HLCS: variants seen among roughly 807,000 people sequenced by gnomAD.
The protein encoded by HLCS is holocarboxylase synthetase.
A neutral mutation model predicts 75.0 loss-of-function variants in HLCS; 53 were observed. The ratio of observed to expected loss-of-function variants is 0.71; its 90% CI spans 0.57 to 0.89. HLCS has a LOEUF of 0.89. Among genes scored for constraint, HLCS ranks in the 40% least tolerant of loss-of-function variants. The probability of loss-of-function intolerance (pLI) is 0.00; values close to 1 mark genes in which losing one functional copy is unlikely to be tolerated. For synonymous variants in HLCS, 431 were observed against 428.6 expected, an observed-to-expected ratio of 1.01 and a Z score of -0.07; for missense variants, 966 against 1,074.0, an observed-to-expected ratio of 0.90 and a Z score of 1.41.
intron 2 of HLCS, among the ~76,000 whole-genome samples, chr21:36,956,478 C>A (rs984106228): frequency 6.6e-6 from 1 of 152,144 alleles, no homozygotes; most frequent in East Asian, 1.9e-4. Flanking sequence ...CTTGTAATCC[C>A]AGCACTTTGG....
intron 5 of HLCS, among the ~76,000 whole-genome samples, chr21:36,912,103 T>TG (rs2065743487): frequency 6.6e-6 from 1 of 151,062 alleles, no homozygotes; most frequent in Admixed American, 6.6e-5. Flanking sequence ...AACAGAGAAT[T>TG]AATACATGAT....
chr21:36,904,716 A>G (rs2146367695), intron 5 of HLCS, among the ~76,000 whole-genome samples: 1 of 152,334 alleles, frequency 6.6e-6, no homozygotes, highest in African/African-American at 2.4e-5. Flanking sequence ...CAAAATTACT[A>G]TCTGTTTGAT....
chr21:36,945,167 G>T (rs958566917), intron 2 of HLCS, among the ~76,000 whole-genome samples: 2 of 151,388 alleles, frequency 1.3e-5, no homozygotes, highest in African/African-American at 4.8e-5. Context: ...ATCCTTCCAT[G>T]AATAAGTTCT....
chr21:36,949,800 G>A (rs560035569), intron 2 of HLCS, among the ~76,000 whole-genome samples: 7 of 152,346 alleles, frequency 4.6e-5, no homozygotes, highest in South Asian at 4.1e-4. Flanking sequence ...TGGAAACAGC[G>A]CAGCGAACCT....
intron 1 of HLCS, among the ~76,000 whole-genome samples, chr21:36,984,153 T>A (rs1416218947): frequency 6.6e-6 from 1 of 152,158 alleles, no homozygotes; most frequent in Non-Finnish European, 1.5e-5. Context: ...ATGATTTTTT[T>A]AAATTGGAAA....
intron 5 of HLCS, among the ~76,000 whole-genome samples, chr21:36,912,701 G>C (rs2065770896): frequency 6.6e-6 from 1 of 151,886 alleles, no homozygotes; most frequent in Non-Finnish European, 1.5e-5. Flanking sequence ...GAGAGAAGGA[G>C]TCAGGATCTC....
intron 4 of HLCS, among the ~76,000 whole-genome samples, chr21:36,932,200 T>C (rs188778460): frequency 7.2e-5 from 11 of 152,380 alleles, no homozygotes; most frequent in Admixed American, 7.2e-4. Flanking sequence ...ATATAATTCA[T>C]ATTTATTTCA....
chr21:36,782,092 C>A (rs1031541713), intron 6 of HLCS, among the ~76,000 whole-genome samples: 2 of 152,024 alleles, frequency 1.3e-5, no homozygotes, highest in Non-Finnish European at 2.9e-5. Context: ...AGAATTTCTG[C>A]ATTGATGCTC....
chr21:36,912,328 T>TAC (rs1384698724), intron 5 of HLCS, among the ~76,000 whole-genome samples: 2 of 150,704 alleles, frequency 1.3e-5, no homozygotes, highest in Non-Finnish European at 2.9e-5. Context: ...GAAGTTCTGA[T>TAC]ACATGTTATA....
chr21:36,891,073 G>A (rs752936474), intron 6 of HLCS, among the ~76,000 whole-genome samples: 3 of 152,138 alleles, frequency 2.0e-5, no homozygotes, highest in African/African-American at 7.2e-5. Flanking sequence ...TTATTTCCCA[G>A]CCTTGTTTGT....
Position 36,749,651 on chromosome 21 carries a change from TGTGA to T in HLCS, c.*4591_*4594del, listed in dbSNP as rs1421311670. The T allele has an allele frequency of 6.6e-6, 1 of 152,182 alleles. No homozygotes were observed. The highest frequency in any genetic ancestry group is 2.4e-5 in the African/African-American group (1 of 41,444). The allele number at this position is 152,182 out of a possible 1,614,324, so 9.4% of individuals were successfully genotyped here. On this transcript the variant is annotated 3_prime_UTR_variant, in exon 11 of 11. Coordinates refer to ENST00000674895, the MANE Select transcript of HLCS (RefSeq NM_001352514.2). ...CAGCTATACCTCATTCACAGCTCCT[TGTGA>T]GTGTGTGCACAGGAAATAAGCCGAG...
chr21:36,821,780 C>G (rs74919568), intron 6 of HLCS, among the ~76,000 whole-genome samples: 3,539 of 152,274 alleles, frequency 0.023, 130 homozygotes, highest in African/African-American at 0.081. Flanking sequence ...CAGCGATTAT[C>G]CTGAAACTGA....
chr21:36,943,817 TAAAA>T (rs5843782), intron 2 of HLCS: 3 of 141,874 alleles, frequency 2.1e-5, no homozygotes, highest in Non-Finnish European at 4.6e-5. Flanking sequence ...AGACCCTGTC[TAAAA>T]AAAAAAAAAA....
At chr21:36,975,814 G>A (rs890913104) in intron 1 of HLCS, among the ~76,000 whole-genome samples, 4 of 151,924 alleles carry the variant, frequency 2.6e-5, no homozygotes, top group Admixed American at 6.6e-5. Context: ...CCACCTAACC[G>A]GGTCTCCCTC....
intron 6 of HLCS, among the ~76,000 whole-genome samples, chr21:36,809,824 G>A (rs2061460816): frequency 6.6e-6 from 1 of 152,142 alleles, no homozygotes; most frequent in South Asian, 2.1e-4. Flanking sequence ...CTGCAGCCAT[G>A]ACCTCCTGGG....
chr21:36,855,482 GAGCCGAGATCAC>G (rs1217523427), intron 6 of HLCS, among the ~76,000 whole-genome samples: 1 of 140,210 alleles, frequency 7.1e-6, no homozygotes, highest in Non-Finnish European at 1.5e-5. Context: ...AGGTTGCAGT[GAGCCGAGATCAC>G]ACCACTGCAC....
At chr21:36,902,356 T>C (rs1483642732) in intron 5 of HLCS, among the ~76,000 whole-genome samples, 3 of 152,138 alleles carry the variant, frequency 2.0e-5, no homozygotes, top group Non-Finnish European at 2.9e-5. Context: ...GGGTGGGACC[T>C]AGCACAGAAG....
chr21:36,931,979 G>A (rs917229877), intron 4 of HLCS, among the ~76,000 whole-genome samples: 12 of 152,040 alleles, frequency 7.9e-5, no homozygotes, highest in African/African-American at 2.4e-4. Context: ...TAGGTGAACC[G>A]ATGCGTCTAC....
intron 6 of HLCS, among the ~76,000 whole-genome samples, chr21:36,894,536 G>A (rs1206623025): frequency 6.6e-6 from 1 of 152,174 alleles, no homozygotes; most frequent in Non-Finnish European, 1.5e-5. Flanking sequence ...GTTTCTGTGA[G>A]TAACCTCACT....
Sources: allele counts gnomAD v4.1 joint callset (sites outside exome capture counted in the v4.1 genomes callset), GRCh38; gene constraint gnomAD v4.1.1; transcripts MANE v1.5; gene names NCBI Gene and HGNC (gene_info 2026-07-23, HGNC 2026-07-21).